The following FAM227A variants were observed in gnomAD, a reference collection of about 807,000 sequenced individuals.
FAM227A encodes the protein family with sequence similarity 227 member A.
A neutral mutation model predicts 74.7 loss-of-function variants in FAM227A; 80 were observed. The observed-to-expected ratio is 1.07, with a 90% CI of 0.89 to 1.29. The LOEUF is 1.29. Among genes scored for constraint, FAM227A ranks in the 50% most tolerant of loss-of-function variants. The pLI is 0.00. For missense variants in FAM227A, 654 were observed against 683.4 expected (o/e 0.96, Z 0.48); for synonymous variants, 237 against 241.8 (o/e 0.98, Z 0.19).
chr22:38,591,178 G>A (rs2090925310), intron 16 of FAM227A, among the ~76,000 whole-genome samples: 1 of 152,110 alleles, frequency 6.6e-6, no homozygotes, highest in Admixed American at 6.6e-5. Context: ...TAAAAAATGA[G>A]CTGGGCATGG....
chr22:38,620,222 T>C lies in FAM227A; in HGVS notation c.1028A>G (p.Tyr343Cys), dbSNP rs940960938. 8.4e-6 allele frequency: 13 copies of C among 1,550,990 alleles called. No individual in the cohort carries two copies. Among genetic ancestry groups the C allele is most frequent in the Admixed American group, 2.0e-5 (1 of 50,990 alleles). ...SQKPAQSRKF[Y>C]HPQSSSANSP... is the part of the protein sequence containing the mutation. ...TGCCTCCCCACTTACCTGAGGGTGG[T>C]AGAATTTCCTGCTCTGGGCTGGCTT... is the stretch of plus-strand genomic sequence containing the variant. Residue 343 changes from tyrosine (Y) to cysteine (C), a missense_variant, in exon 11 of 17, where the codon TAC becomes TGC. Physicochemically the swap from Tyr to Cys is radical, Grantham distance 194 (BLOSUM62 -2). Coordinates refer to ENST00000535113, the MANE Select transcript of FAM227A (RefSeq NM_001013647.2).
intron 11 of FAM227A, among the ~76,000 whole-genome samples, chr22:38,610,655 G>A (rs2091393184): frequency 6.6e-6 from 1 of 152,208 alleles, no homozygotes; most frequent in Admixed American, 6.5e-5. Flanking sequence ...GTTGCAGTGA[G>A]CTGAGATCAC....
chr22:38,596,679 T>C (rs934461785), intron 15 of FAM227A, among the ~76,000 whole-genome samples: 2 of 152,242 alleles, frequency 1.3e-5, no homozygotes, highest in African/African-American at 4.8e-5. Flanking sequence ...ACTATCCTGA[T>C]GGACAGTTCA....
intron 4 of FAM227A, 92 bp from the exon 5 acceptor site, chr22:38,638,914 G>T (rs1381226619): frequency 5.2e-6 from 4 of 767,958 alleles, no homozygotes; most frequent in Non-Finnish European, 8.3e-6. Flanking sequence ...CATTCCACTT[G>T]AGCTGCCAGA....
chr22:38,650,072 T>C lies in FAM227A; in HGVS notation c.97A>G (p.Thr33Ala), dbSNP rs1009144019. 5.8e-6 allele frequency: 9 copies of C among 1,552,088 alleles called. No individual in the cohort carries two copies. Among genetic ancestry groups the C allele is most frequent in the African/African-American group, 4.1e-5 (3 of 73,052 alleles). The change falls in exon 2 of 17, where the codon ACA becomes GCA. Residue 33 changes from threonine to alanine, a missense_variant. Physicochemically the swap from Thr to Ala is moderately conservative, Grantham distance 58 (BLOSUM62 0). Coordinates refer to ENST00000535113, the MANE Select transcript of FAM227A (RefSeq NM_001013647.2). ...TCCTTCCTCACAGTCTTCACCATTG[T>C]ATTCCGTGCGACAAGCGAGACAGCC... is the stretch of plus-strand genomic sequence containing the variant. ...HLAVSLVARN[T>A]MVKTVRKELE... is the part of the protein sequence containing the mutation.
intron 15 of FAM227A, among the ~76,000 whole-genome samples, chr22:38,595,972 G>A (rs2413538): frequency 2.2e-4 from 1 of 4,470 alleles, no homozygotes; most frequent in Non-Finnish European, 7.3e-4. Flanking sequence ...AACTAATAAG[G>A]GGGGGGGGGC....
At chr22:38,628,986 T>G in intron 6 of FAM227A, 51 bp from the exon 7 acceptor site, 8 of 1,122,492 alleles carry the variant, frequency 7.1e-6, no homozygotes, top group Non-Finnish European at 1.0e-5. Context: ...TTTTTAAAAA[T>G]CCATCTGGAG....
intron 9 of FAM227A, among the ~76,000 whole-genome samples, chr22:38,623,729 T>C (rs1446382587): frequency 6.6e-6 from 1 of 152,222 alleles, no homozygotes; most frequent in Non-Finnish European, 1.5e-5. Context: ...GTTCTGGCTA[T>C]ACCATGAGTT....
rs1350436897 is a variant in FAM227A at position 38,650,551 on chromosome 22, T to TACTCCAGACC, written c.-94-299_-94-290dup. On this transcript the variant is annotated intron_variant, in intron 1 of 16. Transcript: ENST00000535113. Reference sequence around the variant, plus strand: ...TGCGGAAAAGGCCAGGGCTCCAGACTACTCCAGACCACTCAGCAAGTCAGT... The same window carrying TACTCCAGACC: ...TGCGGAAAAGGCCAGGGCTCCAGACTACTCCAGACCACTCCAGACCACTCAGCAAGTCAGT... Among the ~76,000 whole-genome samples, 13 of 152,198 alleles carry TACTCCAGACC rather than the reference T, an allele frequency of 8.5e-5. No individual in the cohort carries two copies. The South Asian group carries it at 2.1e-3, about 24-fold the overall frequency.
intron 11 of FAM227A, 145 bp from the exon 12 acceptor site, chr22:38,607,621 G>T: frequency 1.5e-6 from 1 of 658,696 alleles, no homozygotes; most frequent in Admixed American, 2.5e-5. Flanking sequence ...CATGCAGAAC[G>T]AGACCTTTCA....
chr22:38,613,053 TTA>T (rs1292926510), intron 11 of FAM227A, among the ~76,000 whole-genome samples: 4 of 114,422 alleles, frequency 3.5e-5, no homozygotes, highest in Non-Finnish European at 5.0e-5. Flanking sequence ...TATATATATA[TTA>T]TATATATGTA....
Position 38,583,652 on chromosome 22 carries a change from C to T in FAM227A, c.*2473G>A, listed in dbSNP as rs2090749155. On this transcript the variant is annotated 3_prime_UTR_variant, in exon 17 of 17. Transcript: ENST00000535113. ...AAGCACGTTCAGAAAGGTCAAGATG[C>T]ACAGCTACTATGCTGAGTCACACAT... The T allele has an allele frequency of 6.6e-6, 1 of 152,296 alleles. No homozygotes were observed. Among genetic ancestry groups the T allele is most frequent in the African/African-American group, 2.4e-5 (1 of 41,432 alleles). 9.4% of individuals were successfully genotyped at this position (152,296 alleles called of 1,614,324 possible). A position where few individuals can be genotyped will look rare whatever the true frequency, so the allele number is the denominator to read the frequency against.
At chr22:38,600,002 A>C in intron 13 of FAM227A, 81 bp from the exon 14 acceptor site, 3 of 1,267,032 alleles carry the variant, frequency 2.4e-6, no homozygotes. Flanking sequence ...GCATCAAAGC[A>C]CTCATGTCCT....
At chr22:38,609,785 G>C (rs143442901) in intron 11 of FAM227A, among the ~76,000 whole-genome samples, 367 of 148,282 alleles carry the variant, frequency 2.5e-3, no homozygotes, top group African/African-American at 9.0e-3. Flanking sequence ...TTTTTTTTTT[G>C]TTTGAGGTGG....
intron 16 of FAM227A, among the ~76,000 whole-genome samples, chr22:38,588,274 T>C (rs1000941275): frequency 6.6e-6 from 1 of 152,158 alleles, no homozygotes; most frequent in African/African-American, 2.4e-5. Flanking sequence ...TATTTACAGA[T>C]AGCATGATTC....
Position 38,582,060 on chromosome 22 carries a change from A to G in FAM227A, c.*4065T>C. On this transcript the variant is annotated 3_prime_UTR_variant, in exon 17 of 17. Coordinates refer to ENST00000535113, the MANE Select transcript of FAM227A (RefSeq NM_001013647.2). Reference sequence around the variant, plus strand: ...GCCTGGCCTGTTCGTTTTTTAACAAAGCTTTATCGAAGTATAATTGACATA... The same window carrying G: ...GCCTGGCCTGTTCGTTTTTTAACAAGGCTTTATCGAAGTATAATTGACATA... The G allele has an allele frequency of 3.1e-6, 1 of 320,452 alleles. No individual in the cohort carries two copies. The highest frequency in any genetic ancestry group is 5.7e-6 in the Non-Finnish European group (1 of 175,166). The allele number at this position is 320,452 out of a possible 1,614,324, so 19.9% of individuals were successfully genotyped here.
chr22:38,642,434 G>A (rs1210614102), intron 3 of FAM227A, among the ~76,000 whole-genome samples: 1 of 152,134 alleles, frequency 6.6e-6, no homozygotes, highest in African/African-American at 2.4e-5. Context: ...TAGAAGACAA[G>A]AGGAGAACAC....
At chr22:38,613,959 C>T (rs1280779736) in intron 11 of FAM227A, among the ~76,000 whole-genome samples, 1 of 152,116 alleles carries the variant, frequency 6.6e-6, no homozygotes, top group Non-Finnish European at 1.5e-5. Flanking sequence ...GCAACCTCTG[C>T]CTCCTGGGTT....
intron 8 of FAM227A, among the ~76,000 whole-genome samples, chr22:38,626,774 T>C (rs2091809828): frequency 7.0e-6 from 1 of 142,374 alleles, no homozygotes; most frequent in Non-Finnish European, 1.5e-5. Flanking sequence ...CCTGGGAGGC[T>C]GAGGCAGGAG....
Sources: allele counts gnomAD v4.1 joint callset (sites outside exome capture counted in the v4.1 genomes callset), GRCh38; gene constraint gnomAD v4.1.1; transcripts MANE v1.5; gene names NCBI Gene and HGNC (gene_info 2026-07-23, HGNC 2026-07-21).